Variants in STX7 observed in about 807,000 individuals in gnomAD.
STX7 encodes the protein syntaxin-7.
A neutral mutation model predicts 39.6 loss-of-function variants in STX7; 34 were observed. The observed-to-expected ratio is 0.86, with a 90% CI of 0.65 to 1.14. The LOEUF (loss-of-function observed/expected upper bound fraction) is 1.14, where lower values mean the gene tolerates loss of function less well. Among genes scored for constraint, STX7 ranks in the 50% most tolerant of loss-of-function variants. STX7 has a pLI of 0.00. For synonymous variants in STX7, 119 were observed against 99.1 expected, an observed-to-expected ratio of 1.20 and a Z score of -1.19; for missense variants, 284 against 310.4, an observed-to-expected ratio of 0.92 and a Z score of 0.64.
At chr6:132,509,186 G>A (rs9389001) in intron 1 of STX7, among the ~76,000 whole-genome samples, 53,025 of 151,974 alleles carry the variant, frequency 0.35, 9,801 homozygotes, top group Middle Eastern at 0.46. Flanking sequence ...TGGGCTGGGC[G>A]CGGTGGCTCA....
At chr6:132,510,420 T>C (rs1775817772) in intron 1 of STX7, among the ~76,000 whole-genome samples, 1 of 152,232 alleles carries the variant, frequency 6.6e-6, no homozygotes, top group East Asian at 1.9e-4. Flanking sequence ...TATTTTAAGC[T>C]GCTAACAAGA....
chr6:132,505,819 T>G (rs1775693230), intron 1 of STX7, among the ~76,000 whole-genome samples: 1 of 147,270 alleles, frequency 6.8e-6, no homozygotes, highest in African/African-American at 2.5e-5. Context: ...GCTGGAGGCA[T>G]CTCATTGCCT....
At chr6:132,462,422 T>C (rs954507352) in intron 9 of STX7, among the ~76,000 whole-genome samples, 2 of 152,174 alleles carry the variant, frequency 1.3e-5, no homozygotes, top group Non-Finnish European at 2.9e-5. Context: ...AGGCTTGGCC[T>C]TCCACAAGGA....
In STX7 at chr6:132,455,279, T is replaced by G. The variant is rs1774219089; in HGVS notation, c.*5479A>C. ...CATTAAACAACTGATCAAAAAACTT[T>G]CAGAGGGCATTAAAAAGTGAAACTA... is the stretch of plus-strand genomic sequence containing the variant. On this transcript the variant is annotated 3_prime_UTR_variant, in exon 10 of 10. Transcript: ENST00000367941. The G allele has an allele frequency of 1.3e-5, 2 of 152,186 alleles. No individual in the cohort carries two copies. The highest frequency in any genetic ancestry group is 1.3e-4 in the Admixed American group (2 of 15,280). The allele number at this position is 152,186 out of a possible 1,614,324, so 9.4% of individuals were successfully genotyped here.
intron 1 of STX7, among the ~76,000 whole-genome samples, chr6:132,509,837 C>A (rs1389227293): frequency 6.6e-6 from 1 of 152,188 alleles, no homozygotes; most frequent in African/African-American, 2.4e-5. Flanking sequence ...ATGATCTCTG[C>A]ATATAGGCTA....
Position 132,506,236 on chromosome 6 carries a change from A to C in STX7, c.-58-2648T>G, listed in dbSNP as rs186792184. On this transcript the variant is annotated intron_variant, in intron 1 of 9. Transcript: ENST00000367941. The stretch of plus-strand genomic sequence containing the variant: ...TCAAAAGCACAGGCAACAAGACAAA[A>C]AACAGACAAAATGAGATTTAATTAA... 2.8e-3 allele frequency among the ~76,000 whole-genome samples: 424 copies of C among 152,328 alleles called. 1 individual carries two copies. Among genetic ancestry groups the C allele is most frequent in the Admixed American group, 5.5e-3 (84 of 15,302 alleles).
chr6:132,452,486 A>T lies in STX7; in HGVS notation c.*8272T>A, dbSNP rs1354339935. On this transcript the variant is annotated 3_prime_UTR_variant, in exon 10 of 10. Transcript: ENST00000367941. Reference sequence around the variant, plus strand: ...ACATGACTATCTATATAAAAAAAAAATCCCAAGGAATCAATCAAAATCCCC... The same window carrying T: ...ACATGACTATCTATATAAAAAAAAATTCCCAAGGAATCAATCAAAATCCCC... 1 of 150,818 alleles carries T rather than the reference A, an allele frequency of 6.6e-6. No individual in the cohort carries two copies. The highest frequency in any genetic ancestry group is 2.4e-5 in the African/African-American group (1 of 41,108). 9.3% of individuals were successfully genotyped at this position (150,818 alleles called of 1,614,324 possible).
chr6:132,479,880 T>G (rs562718017), intron 2 of STX7, among the ~76,000 whole-genome samples: 1 of 152,238 alleles, frequency 6.6e-6, no homozygotes, highest in African/African-American at 2.4e-5. Context: ...TGGCTAATTA[T>G]CTTTACAAAC....
chr6:132,488,802 G>GA (rs1207639534), intron 2 of STX7, among the ~76,000 whole-genome samples: 4 of 151,776 alleles, frequency 2.6e-5, no homozygotes, highest in Non-Finnish European at 5.9e-5. Flanking sequence ...AACAGGACTA[G>GA]AAAAAAAATC....
chr6:132,504,645 C>G (rs1775653182), intron 1 of STX7, among the ~76,000 whole-genome samples: 1 of 152,028 alleles, frequency 6.6e-6, no homozygotes, highest in African/African-American at 2.4e-5. Flanking sequence ...GAGATGCAAA[C>G]AAAACAAAAC....
chr6:132,471,699 A>C (rs1242316588), intron 4 of STX7, 99 bp from the exon 5 acceptor site: 16 of 1,381,240 alleles, frequency 1.2e-5, no homozygotes, highest in Non-Finnish European at 1.6e-5. Flanking sequence ...GTTTTCACTT[A>C]CTCCCCAATT....
In STX7 at chr6:132,513,058, C is replaced by T. The variant is rs1775895732; in HGVS notation, c.-110G>A. On this transcript the variant is annotated 5_prime_UTR_variant, in exon 1 of 10. Coordinates refer to ENST00000367941, the MANE Select transcript of STX7 (RefSeq NM_003569.3). ...CCTCCGACCGCCGTCACCCACCTAC[C>T]CCGGAGCCCTCAGCTGCAATTCTCA... The T allele has an allele frequency of 6.6e-6, 1 of 151,412 alleles. No homozygotes were observed. Among genetic ancestry groups the T allele is most frequent in the East Asian group, 1.9e-4 (1 of 5,196 alleles). The allele number at this position is 151,412 out of a possible 1,614,324, so 9.4% of individuals were successfully genotyped here. A position where few individuals can be genotyped will look rare whatever the true frequency, so the allele number is the denominator to read the frequency against.
chr6:132,472,300 G>A lies in STX7; in HGVS notation c.231C>T (p.Pro77=). 1 of 1,612,896 alleles carries A rather than the reference G, an allele frequency of 6.2e-7. No homozygotes were observed. The highest frequency in any genetic ancestry group is 8.5e-7 in the Non-Finnish European group (1 of 1,179,588). The change falls in exon 4 of 10, where the codon CCC becomes CCT. Residue 77 remains proline, a synonymous_variant. Transcript: ENST00000367941. ...DKYIKEFGSL[P]TTPSEQRQRK... is the part of the protein sequence containing the mutation. ...TTGATACCTGTTCACTGGGGGTGGT[G>A]GGCAGAGATCCAAACTCTTTAATGT...
intron 9 of STX7, chr6:132,461,680 T>C (rs550842998): frequency 8.5e-6 from 6 of 702,414 alleles, no homozygotes; most frequent in South Asian, 7.6e-5. Context: ...TCTCATTCTT[T>C]AATATTAATG....
chr6:132,456,229 T>C lies in STX7; in HGVS notation c.*4529A>G, dbSNP rs1774240089. On this transcript the variant is annotated 3_prime_UTR_variant, in exon 10 of 10. Coordinates refer to ENST00000367941, the MANE Select transcript of STX7 (RefSeq NM_003569.3). ...TAGCAATTTTCTGGTAGTCTGTCAATTAAGAAAAGAAAATGAAATTCAGTT... is the reference window on the plus strand; with the variant it reads ...TAGCAATTTTCTGGTAGTCTGTCAACTAAGAAAAGAAAATGAAATTCAGTT... 6.6e-6 allele frequency: 1 copy of C among 152,138 alleles called. No individual in the cohort carries two copies. The highest frequency in any genetic ancestry group is 1.5e-5 in the Non-Finnish European group (1 of 68,016). 9.4% of individuals were successfully genotyped at this position (152,138 alleles called of 1,614,324 possible).
chr6:132,470,145 T>G, intron 6 of STX7, 98 bp from the exon 7 acceptor site: 1 of 856,904 alleles, frequency 1.2e-6, no homozygotes, highest in East Asian at 3.3e-5. Flanking sequence ...ATAGGATATT[T>G]TATTCTCCAA....
chr6:132,493,547 T>C (rs1775346879), intron 2 of STX7, among the ~76,000 whole-genome samples: 1 of 152,194 alleles, frequency 6.6e-6, no homozygotes. Context: ...CCCATGGCCA[T>C]GTAAGAAGTC....
At chr6:132,470,194 A>G (rs1774678558) in intron 6 of STX7, 147 bp from the exon 7 acceptor site, 3 of 506,752 alleles carry the variant, frequency 5.9e-6, no homozygotes, top group Admixed American at 4.2e-5. Context: ...AGAATATAAC[A>G]GATATATTAA....
rs1774144281 is a variant in STX7, at chr6:132,451,967, A to G, written c.*8791T>C. The stretch of plus-strand genomic sequence containing the variant: ...CTGATACCACCAACCAGTATGTCGC[A>G]TTAAAACAGATGCAAAAATCCTTAA... On this transcript the variant is annotated 3_prime_UTR_variant, in exon 10 of 10. Coordinates refer to ENST00000367941, the MANE Select transcript of STX7 (RefSeq NM_003569.3). 1.3e-5 allele frequency: 2 copies of G among 152,240 alleles called. No individual in the cohort carries two copies. Among genetic ancestry groups the G allele is most frequent in the African/African-American group, 2.4e-5 (1 of 41,460 alleles). The allele number at this position is 152,240 out of a possible 1,614,324, so 9.4% of individuals were successfully genotyped here.
Sources: gnomAD v4.1 joint callset for allele counts (sites outside exome capture counted in the v4.1 genomes callset) on GRCh38, gnomAD v4.1.1 for gene constraint, MANE v1.5 for transcripts, NCBI Gene and HGNC (gene_info 2026-07-23, HGNC 2026-07-21) for gene names.